Variants in EYA1 observed in about 807,000 individuals in gnomAD.
EYA1 encodes protein phosphatase EYA1.
Under a neutral mutation model 82.0 loss-of-function variants are expected in EYA1, and 16 were observed. The ratio of observed to expected loss-of-function variants is 0.20; its 90% CI spans 0.13 to 0.30. EYA1 has a LOEUF of 0.30. EYA1 is among the 10% of genes least tolerant of loss of function. EYA1 has a pLI of 1.00. For missense variants in EYA1, 633 were observed against 730.7 expected (o/e 0.87, Z 1.54); for synonymous variants, 261 against 264.4 (o/e 0.99, Z 0.12).
chr8:71,281,813 G>A (rs1467078255), intron 9 of EYA1, among the ~76,000 whole-genome samples: 1 of 152,196 alleles, frequency 6.6e-6, no homozygotes, highest in African/African-American at 2.4e-5. Flanking sequence ...GGTCCTGCCT[G>A]TGGCTATCAC....
chr8:71,423,016 A>T (rs943345303), intron 2 of EYA1, among the ~76,000 whole-genome samples: 2 of 152,224 alleles, frequency 1.3e-5, no homozygotes, highest in African/African-American at 4.8e-5. Flanking sequence ...GAAACTAATC[A>T]ATGATCACAA....
intron 2 of EYA1, among the ~76,000 whole-genome samples, chr8:71,525,415 T>C (rs1813732965): frequency 1.3e-5 from 2 of 152,208 alleles, no homozygotes. Context: ...AATATAAACA[T>C]TAATTGATCT....
Position 71,295,135 on chromosome 8 carries a change from T to C in EYA1, c.826+3912A>G, listed in dbSNP as rs149324496. ...GTAAAATGCAAAATTATGAAACTTC[T>C]AGATAGTAACACAGGAGAAAATCTA... On this transcript the variant is annotated intron_variant, in intron 9 of 17. Transcript: ENST00000340726. Among the ~76,000 whole-genome samples, 350 of 152,290 alleles carry C rather than the reference T, an allele frequency of 2.3e-3. 2 individuals are homozygous for C. The highest frequency in any genetic ancestry group is 8.3e-3 in the African/African-American group (343 of 41,558).
Position 71,197,689 on chromosome 8 carries a change from G to A in EYA1, c.*1651C>T, listed in dbSNP as rs1428745620. ...GATAATTCACAAATGACTATTTCTAGCAGCAACACACAACTTCAGAAAAGA... is the reference window on the plus strand; with the variant it reads ...GATAATTCACAAATGACTATTTCTAACAGCAACACACAACTTCAGAAAAGA... On this transcript the variant is annotated 3_prime_UTR_variant, in exon 18 of 18. Transcript: ENST00000340726. 1.3e-5 allele frequency: 2 copies of A among 152,608 alleles called. No individual in the cohort carries two copies. Among genetic ancestry groups the A allele is most frequent in the Non-Finnish European group, 2.9e-5 (2 of 68,022 alleles). The allele number at this position is 152,608 out of a possible 1,614,324, so 9.5% of individuals were successfully genotyped here.
At chr8:71,517,726 T>TATATATAA (rs1339777193) in intron 2 of EYA1, among the ~76,000 whole-genome samples, 12 of 147,970 alleles carry the variant, frequency 8.1e-5, no homozygotes, top group African/African-American at 1.2e-4. Context: ...TATATATATA[T>TATATATAA]AACTGTATAC....
chr8:71,491,752 C>T (rs1466206362), intron 2 of EYA1, among the ~76,000 whole-genome samples: 2 of 152,150 alleles, frequency 1.3e-5, no homozygotes, highest in African/African-American at 2.4e-5. Context: ...AACTTCTGCC[C>T]CTCAGAGCCA....
chr8:71,306,703 C>T (rs1282238936), intron 7 of EYA1, among the ~76,000 whole-genome samples: 1 of 152,174 alleles, frequency 6.6e-6, no homozygotes, highest in Non-Finnish European at 1.5e-5. Context: ...CCTTCAAGGC[C>T]TCACCCAAGT....
At chr8:71,499,390 A>G (rs1267671487) in intron 2 of EYA1, among the ~76,000 whole-genome samples, 4 of 152,184 alleles carry the variant, frequency 2.6e-5, no homozygotes, top group African/African-American at 7.2e-5. Flanking sequence ...GAAGTAGTAC[A>G]ATCATCTCTA....
intron 3 of EYA1, among the ~76,000 whole-genome samples, chr8:71,351,141 C>T (rs1348084522): frequency 6.6e-6 from 1 of 151,874 alleles, no homozygotes; most frequent in African/African-American, 2.4e-5. Flanking sequence ...TCCATCTTGG[C>T]CTCCAATTGC....
intron 4 of EYA1, among the ~76,000 whole-genome samples, chr8:71,333,494 T>C (rs1016269101): frequency 6.6e-6 from 1 of 152,188 alleles, no homozygotes; most frequent in Non-Finnish European, 1.5e-5. Context: ...TTGGCAAACA[T>C]ATAATCACAT....
At chr8:71,320,654 G>A (rs1822435998) in intron 6 of EYA1, among the ~76,000 whole-genome samples, 1 of 152,020 alleles carries the variant, frequency 6.6e-6, no homozygotes, top group Non-Finnish European at 1.5e-5. Context: ...AAATGCTGAA[G>A]TCGTACATAA....
chr8:71,507,947 A>C (rs923976955), intron 2 of EYA1, among the ~76,000 whole-genome samples: 3 of 152,194 alleles, frequency 2.0e-5, no homozygotes, highest in Non-Finnish European at 4.4e-5. Flanking sequence ...AAATAAAATG[A>C]TTAAATATGA....
chr8:71,328,123 G>A (rs1006535229), intron 4 of EYA1, among the ~76,000 whole-genome samples: 16 of 152,164 alleles, frequency 1.1e-4, no homozygotes, highest in Admixed American at 9.8e-4. Flanking sequence ...CCAAAGTACT[G>A]GGATTACACG....
At chr8:71,360,393 A>G (rs1827268125) in intron 1 of EYA1, among the ~76,000 whole-genome samples, 1 of 152,202 alleles carries the variant, frequency 6.6e-6, no homozygotes, top group South Asian at 2.1e-4. Context: ...TACGATTTTC[A>G]CAAATGGAAA....
chr8:71,441,922 C>T (rs1806464241), intron 2 of EYA1, among the ~76,000 whole-genome samples: 1 of 152,098 alleles, frequency 6.6e-6, no homozygotes, highest in African/African-American at 2.4e-5. Context: ...TGAGAACACA[C>T]ACCTAGGAAA....
At chr8:71,383,094 A>T (rs1317892833) in intron 2 of EYA1, among the ~76,000 whole-genome samples, 2 of 149,784 alleles carry the variant, frequency 1.3e-5, no homozygotes, top group East Asian at 1.9e-4. Context: ...AACAGCACCT[A>T]TTTTTTTTTT....
chr8:71,385,561 A>G (rs904089790), intron 2 of EYA1, among the ~76,000 whole-genome samples: 1 of 152,232 alleles, frequency 6.6e-6, no homozygotes, highest in Non-Finnish European at 1.5e-5. Context: ...TCCCACAAGT[A>G]TCTCACTAAG....
intron 17 of EYA1, chr8:71,200,190 T>C (rs1806792339): frequency 6.6e-6 from 1 of 152,238 alleles, no homozygotes; most frequent in Non-Finnish European, 1.5e-5. Flanking sequence ...AAGATAATCA[T>C]CACCCTCAGG....
intron 2 of EYA1, among the ~76,000 whole-genome samples, chr8:71,488,455 A>G (rs911471648): frequency 1.3e-5 from 2 of 152,210 alleles, no homozygotes; most frequent in Non-Finnish European, 2.9e-5. Flanking sequence ...AATCTAGCAG[A>G]CACTATATTG....
Sources: allele counts gnomAD v4.1 joint callset (sites outside exome capture counted in the v4.1 genomes callset), GRCh38; gene constraint gnomAD v4.1.1; transcripts MANE v1.5; gene names NCBI Gene and HGNC (gene_info 2026-07-23, HGNC 2026-07-21).